Variants in ERCC5 observed in about 807,000 individuals in gnomAD.
ERCC5 encodes ERCC excision repair 5, endonuclease.
ERCC5 carries 68 observed loss-of-function variants against 105.6 expected under a neutral mutation model. That is an observed-to-expected ratio of 0.64 (90% CI 0.53 to 0.79). The LOEUF (loss-of-function observed/expected upper bound fraction) is 0.79, where lower values mean the gene tolerates loss of function less well. Ranked by LOEUF, ERCC5 falls within the 30% of genes least tolerant of loss-of-function variation. The pLI is 0.00. For missense variants in ERCC5, 1,373 were observed against 1,426.7 expected (o/e 0.96, Z 0.61); for synonymous variants, 546 against 526.2 (o/e 1.04, Z -0.51).
chr13:102,868,361 A>AATG, intron 12 of ERCC5, 104 bp downstream of exon 12: 1 of 1,437,154 alleles, frequency 7.0e-7, no homozygotes, highest in Admixed American at 1.9e-5. Context: ...ACATGTGAAC[A>AATG]ATGGTTCACT....
chr13:102,868,385 A>G, intron 12 of ERCC5, 128 bp downstream of exon 12: 1 of 1,306,372 alleles, frequency 7.7e-7, no homozygotes, highest in Middle Eastern at 2.2e-4. Context: ...AAAGCAGCAG[A>G]AAGTATTGGT....
At chr13:102,870,260 C>T (rs888145459) in intron 12 of ERCC5, among the ~76,000 whole-genome samples, 1 of 152,142 alleles carries the variant, frequency 6.6e-6, no homozygotes, top group African/African-American at 2.4e-5. Flanking sequence ...CAACATTTAC[C>T]TTTGGGAGAT....
In ERCC5 at chr13:102,875,903, A is replaced by G; in HGVS notation, c.3561A>G (p.Ter1187=). Residue 1187 remains the stop codon, a stop_retained_variant, in exon 15 of 15, where the codon TAA becomes TAG. Coordinates refer to ENST00000652225, the MANE Select transcript of ERCC5 (RefSeq NM_000123.4). The stretch of plus-strand genomic sequence containing the variant: ...CGAGGGGAAGAAAAAGGAAAACCTA[A>G]TTAAAAAATATGTATCCTCTATAAT... ...RRARGRKRKT[*] is the part of the protein sequence containing the mutation. The G allele has an allele frequency of 6.2e-7, 1 of 1,603,874 alleles. No individual in the cohort carries two copies. Among genetic ancestry groups the G allele is most frequent in the South Asian group, 1.1e-5 (1 of 91,022 alleles).
chr13:102,864,761 A>G (rs1309588077), intron 8 of ERCC5: 2 of 152,160 alleles, frequency 1.3e-5, no homozygotes, highest in African/African-American at 2.4e-5. Context: ...CCTGAGGTAT[A>G]ACTGTCTCAG....
At chr13:102,875,170 GT>G in intron 14 of ERCC5, 136 bp from the exon 15 acceptor site, 1 of 1,014,890 alleles carries the variant, frequency 9.9e-7, no homozygotes, top group Non-Finnish European at 1.4e-6. Context: ...AGAGAACTGG[GT>G]TTTGGGAGAT....
At position 102,862,105 on chromosome 13, in the gene ERCC5, T is replaced by C. The variant is rs1178947647; in HGVS notation, c.956T>C (p.Phe319Ser). ...PSSSKMHGMS[F>S]DVKSSPCEKL... The stretch of plus-strand genomic sequence containing the variant: ...TCCAGCAAAATGCACGGCATGTCTT[T>C]TGACGTGAAGTCATCTCCATGTGAA... Residue 319 changes from phenylalanine (F) to serine (S), a missense_variant, in exon 8 of 15, where the codon TTT becomes TCT. Transcript: ENST00000652225. 6.2e-7 allele frequency: 1 copy of C among 1,614,204 alleles called. No individual in the cohort carries two copies. The highest frequency in any genetic ancestry group is 2.2e-5 in the East Asian group (1 of 44,886).
chr13:102,854,765 A>T (rs1882344667), intron 4 of ERCC5, among the ~76,000 whole-genome samples: 1 of 152,246 alleles, frequency 6.6e-6, no homozygotes, highest in African/African-American at 2.4e-5. Flanking sequence ...TAAATCTAGC[A>T]GACGCTTTGC....
chr13:102,868,338 C>T, intron 12 of ERCC5, 81 bp downstream of exon 12: 1 of 1,527,306 alleles, frequency 6.5e-7, no homozygotes, highest in Non-Finnish European at 9.0e-7. Flanking sequence ...ACAGCATGAA[C>T]TGTCATGCTG....
At chr13:102,870,316 A>G (rs1478546952) in intron 12 of ERCC5, among the ~76,000 whole-genome samples, 1 of 152,182 alleles carries the variant, frequency 6.6e-6, no homozygotes, top group African/African-American at 2.4e-5. Flanking sequence ...GGAGAGCTGA[A>G]AATACTGGGC....
intron 1 of ERCC5, among the ~76,000 whole-genome samples, chr13:102,848,766 C>G (rs1418387831): frequency 6.6e-6 from 1 of 152,022 alleles, no homozygotes; most frequent in Admixed American, 6.6e-5. Flanking sequence ...TTTCATATTT[C>G]TTGTCTAACA....
At chr13:102,870,327 C>G (rs1456137704) in intron 12 of ERCC5, among the ~76,000 whole-genome samples, 1 of 152,138 alleles carries the variant, frequency 6.6e-6, no homozygotes, top group South Asian at 2.1e-4. Context: ...AATACTGGGC[C>G]TGAATTTCTG....
intron 6 of ERCC5, chr13:102,858,792 C>T: frequency 4.7e-6 from 2 of 424,920 alleles, no homozygotes; most frequent in South Asian, 3.5e-5. Context: ...CTTACTGACT[C>T]AATTCTTAGG....
chr13:102,862,094 C>T lies in ERCC5; in HGVS notation c.945C>T (p.His315=), dbSNP rs34061299. 6.2e-3 allele frequency: 10,077 copies of T among 1,614,170 alleles called. 53 individuals are homozygous for T. The highest frequency in any genetic ancestry group is 8.0e-3 in the Non-Finnish European group (9,454 of 1,180,024). The change falls in exon 8 of 15, where the codon CAC becomes CAT. Residue 315 remains histidine (H), a synonymous_variant. Coordinates refer to ENST00000652225, the MANE Select transcript of ERCC5 (RefSeq NM_000123.4). The part of the protein sequence containing the change: ...SESLPSSSKM[H]GMSFDVKSSP... ...CTCTTCCTTCTTCCAGCAAAATGCA[C>T]GGCATGTCTTTTGACGTGAAGTCAT...
chr13:102,862,824 T>C lies in ERCC5; in HGVS notation c.1675T>C (p.Ser559Pro). Reference protein sequence around the residue: ...LCPYESKFDSSLLSSDDETKC... With the variant: ...LCPYESKFDSPLLSSDDETKC... ...CCCATATGAGAGTAAATTCGATTCT[T>C]CTCTTCTTTCAAGTGATGATGAAAC... The change falls in exon 8 of 15, where the codon TCT becomes CCT. Residue 559 changes from serine (S) to proline (P), a missense_variant. Ser to Pro is a moderately conservative substitution (Grantham distance 74). Around this residue, in one of 3 missense-constraint regions of ERCC5, gnomAD observed 1,004 missense variants for 1,059.7 expected, o/e 0.95. Coordinates refer to ENST00000652225, the MANE Select transcript of ERCC5 (RefSeq NM_000123.4). 1 of 1,614,256 alleles carries C rather than the reference T, an allele frequency of 6.2e-7. No individual in the cohort carries two copies. The highest frequency in any genetic ancestry group is 8.5e-7 in the Non-Finnish European group (1 of 1,180,040).
rs577888985 is a variant in ERCC5 at position 102,861,976 on chromosome 13, C to T, written c.881-54C>T. 21 of 1,593,670 alleles carry T rather than the reference C, an allele frequency of 1.3e-5. No individual in the cohort carries two copies. The East Asian group carries it at 1.6e-4, about 12-fold the overall frequency. ...GTTCTCTTATCCATCTTACTAGAAGCGTATTGTCACACTGTAAAACTGAAT... is the reference window on the plus strand; with the variant it reads ...GTTCTCTTATCCATCTTACTAGAAGTGTATTGTCACACTGTAAAACTGAAT... On this transcript the variant is annotated intron_variant, in intron 7 of 14. Coordinates refer to ENST00000652225, the MANE Select transcript of ERCC5 (RefSeq NM_000123.4).
In ERCC5 at chr13:102,846,213, TAGA is replaced by T; in HGVS notation, c.-49_-47del. The T allele has an allele frequency of 1.3e-6, 2 of 1,481,652 alleles. No homozygotes were observed. Among genetic ancestry groups the T allele is most frequent in the Non-Finnish European group, 1.9e-6 (2 of 1,070,148 alleles). The allele number at this position is 1,481,652 out of a possible 1,614,324, so 91.8% of individuals were successfully genotyped here. ...TCCTAGGCGGCGGTGCAGTCCGTCG[TAGA>T]AGAATTAGAGTAGAAGTTGTCGGGG... On this transcript the variant is annotated 5_prime_UTR_variant, in exon 1 of 15. Transcript: ENST00000652225.
Position 102,846,324 on chromosome 13 carries a change from G to T in ERCC5, c.58G>T (p.Glu20Ter). 1 of 1,614,078 alleles carries T rather than the reference G, an allele frequency of 6.2e-7. No homozygotes were observed. Among genetic ancestry groups the T allele is most frequent in the Non-Finnish European group, 8.5e-7 (1 of 1,179,992 alleles). The change falls in exon 1 of 15, where the codon GAA becomes TAA. Residue 20 changes from glutamate to a stop codon, truncating the protein, a stop_gained. Transcript: ENST00000652225. LOFTEE classifies it high-confidence loss of function. Reference protein sequence around the residue: ...LECSGRQVSPEALEGKILAVD... With the variant: ...LECSGRQVSP ...GTGCTCCGGGCGGCAGGTCAGCCCC[G>T]AAGCGCTGGAAGGGAAGATCCTGGC...
At position 102,875,421 on chromosome 13, in the gene ERCC5, A is replaced by G; in HGVS notation, c.3079A>G (p.Lys1027Glu). The G allele has an allele frequency of 1.2e-6, 2 of 1,614,260 alleles. No homozygotes were observed. The highest frequency in any genetic ancestry group is 4.5e-5 in the East Asian group (2 of 44,890). The change falls in exon 15 of 15, where the codon AAA (lysine) becomes GAA (glutamate). Residue 1027 changes from lysine (K) to glutamate (E), a missense_variant. Physicochemically the swap from Lys to Glu is moderately conservative, Grantham distance 56 (BLOSUM62 1). Transcript: ENST00000652225. The stretch of plus-strand genomic sequence containing the variant: ...TGTGACATGTATGCTAAGGAAAGAG[A>G]AAGAAGCAGCAGCCAGCGAAATAGA... ...RAVTCMLRKE[K>E]EAAASEIEAV... is the part of the protein sequence containing the mutation.
chr13:102,862,415 C>T lies in ERCC5; in HGVS notation c.1266C>T (p.Asn422=), dbSNP rs2140527507. The T allele has an allele frequency of 6.2e-7, 1 of 1,602,382 alleles. No individual in the cohort carries two copies. The highest frequency in any genetic ancestry group is 8.5e-7 in the Non-Finnish European group (1 of 1,175,628). ...GGPGAEEMRI[N]SSTENSDEGL... ...CAGGAGCAGAAGAAATGCGTATAAA[C>T]AGCTCCACCGAGAACAGTGATGAAG... is the stretch of plus-strand genomic sequence containing the variant. The change falls in exon 8 of 15, where the codon AAC becomes AAT. Residue 422 remains asparagine (N), a synonymous_variant. Coordinates refer to ENST00000652225, the MANE Select transcript of ERCC5 (RefSeq NM_000123.4).
Sources: gnomAD v4.1 joint callset for allele counts (sites outside exome capture counted in the v4.1 genomes callset) on GRCh38, gnomAD v4.1.1 for gene constraint, gnomAD v4.1.1 regional missense constraint, MANE v1.5 for transcripts, NCBI Gene and HGNC (gene_info 2026-07-23, HGNC 2026-07-21) for gene names.